The following ADGRE3 variants were observed in gnomAD, a reference collection of about 807,000 sequenced individuals.
ADGRE3 encodes the protein EGF-like module receptor 3.
In ADGRE3, 88 loss-of-function variants were observed where a neutral mutation model predicts 80.1. The ratio of observed to expected loss-of-function variants is 1.10; its 90% CI spans 0.93 to 1.31. The LOEUF (loss-of-function observed/expected upper bound fraction) is 1.31. Among genes scored for constraint, ADGRE3 ranks in the 40% most tolerant of loss-of-function variants. ADGRE3 has a pLI of 0.00. For missense variants in ADGRE3, 715 were observed against 776.5 expected, an observed-to-expected ratio of 0.92 and a Z score of 0.94; for synonymous variants, 281 against 294.8, an observed-to-expected ratio of 0.95 and a Z score of 0.48.
downstream of ADGRE3, among the ~76,000 whole-genome samples, chr19:14,615,103 C>T (rs868674047): frequency 4.0e-5 from 6 of 151,850 alleles, no homozygotes; most frequent in Admixed American, 2.0e-4. Context: ...TGGGGTCTCA[C>T]GGCTTGTCCA....
At chr19:14,630,542 G>A (rs1015872847) in intron 13 of ADGRE3, among the ~76,000 whole-genome samples, 3 of 152,026 alleles carry the variant, frequency 2.0e-5, no homozygotes, top group African/African-American at 7.2e-5. Flanking sequence ...CCCAGTAGCT[G>A]GGACTAACTA....
Position 14,638,224 on chromosome 19 carries a change from G to A in ADGRE3, c.1365C>T (p.Asn455=), listed in dbSNP as rs770954017. 6 of 1,614,014 alleles carry A rather than the reference G, an allele frequency of 3.7e-6. No homozygotes were observed. The highest frequency in any genetic ancestry group is 5.1e-6 in the Non-Finnish European group (6 of 1,180,000). The change falls in exon 11 of 16, where the codon AAC becomes AAT. Residue 455 remains asparagine, a synonymous_variant. Transcript: ENST00000253673. ...TCATGAGTCTATTGATGCTTGAGTA[G>A]TTGACCACTGTCAGGTTCCGTGCAG... is the stretch of plus-strand genomic sequence containing the variant. ...FLTARNLTVV[N]YSSINRLMKW...
chr19:14,649,224 CTCTCTTTCCATCTA>C (rs552707929), intron 7 of ADGRE3, among the ~76,000 whole-genome samples: 3,536 of 149,684 alleles, frequency 0.024, 153 homozygotes, highest in African/African-American at 0.084. Flanking sequence ...CTCCCCATCT[CTCTCTTTCCATCTA>C]TCTCTTTCCA....
intron 13 of ADGRE3, 46 bp from the exon 14 acceptor site, chr19:14,630,253 G>A (rs62124014): frequency 0.32 from 490,025 of 1,526,132 alleles, 82,340 homozygotes; most frequent in Non-Finnish European, 0.35. Context: ...AACTAATAAT[G>A]AGCATGAACA....
the ADGRE3 span, among the ~76,000 whole-genome samples, chr19:14,601,692 C>T: frequency 4.6e-5 from 7 of 152,148 alleles, no homozygotes; most frequent in Admixed American, 1.3e-4. Context: ...AATCATAGCT[C>T]GTTGCAGCCT....
intron 14 of ADGRE3, 91 bp from the exon 15 acceptor site, chr19:14,625,690 T>C (rs1970720311): frequency 1.4e-6 from 1 of 728,334 alleles, no homozygotes; most frequent in African/African-American, 1.8e-5. Context: ...TAGAGATGTA[T>C]TATTATTTAT....
downstream of ADGRE3, among the ~76,000 whole-genome samples, chr19:14,616,486 C>A (rs1286357333): frequency 1.3e-5 from 2 of 151,768 alleles, no homozygotes; most frequent in East Asian, 1.9e-4. Context: ...TGGTACTAAA[C>A]CTGGGAAAGT....
At chr19:14,644,322 T>C (rs1415653932) in intron 8 of ADGRE3, 47 bp from the exon 9 acceptor site, 5 of 1,346,796 alleles carry the variant, frequency 3.7e-6, no homozygotes, top group South Asian at 1.8e-5. Flanking sequence ...TCTTTCTTTC[T>C]TTCTTTTTTT....
downstream of ADGRE3, among the ~76,000 whole-genome samples, chr19:14,617,900 G>C (rs895099295): frequency 2.2e-4 from 34 of 151,930 alleles, no homozygotes; most frequent in Non-Finnish European, 4.1e-4. Context: ...ATAGCAGACA[G>C]GTGCTAAAGA....
At chr19:14,667,366 G>A (rs1218410749) in intron 2 of ADGRE3, among the ~76,000 whole-genome samples, 1 of 148,896 alleles carries the variant, frequency 6.7e-6, no homozygotes, top group African/African-American at 2.5e-5. Flanking sequence ...TTTAAATTTG[G>A]TAACATGCAC....
chr19:14,637,393 CTTT>C (rs34233724), intron 11 of ADGRE3, among the ~76,000 whole-genome samples: 31 of 127,534 alleles, frequency 2.4e-4, no homozygotes, highest in Non-Finnish European at 2.9e-4. Flanking sequence ...TTTTTAAGCT[CTTT>C]TTTTTTTTTT....
intron 6 of ADGRE3, among the ~76,000 whole-genome samples, chr19:14,653,339 C>T (rs1453272581): frequency 6.6e-6 from 1 of 151,968 alleles, no homozygotes; most frequent in Non-Finnish European, 1.5e-5. Flanking sequence ...TTTTATCAAA[C>T]CTCAATTTGA....
intron 10 of ADGRE3, 51 bp from the exon 11 acceptor site, chr19:14,638,391 C>A: frequency 1.5e-6 from 2 of 1,378,184 alleles, no homozygotes; most frequent in Non-Finnish European, 2.0e-6. Context: ...TGGAGTATGG[C>A]CCTAGGACCT....
the ADGRE3 span, chr19:14,606,938 T>G: frequency 5.2e-5 from 50 of 963,874 alleles, no homozygotes; most frequent in Non-Finnish European, 6.6e-5. Flanking sequence ...GGGCAGGTCC[T>G]CACCCTGAGG....
chr19:14,655,165 G>T lies in ADGRE3; in HGVS notation c.394C>A (p.Leu132Met), dbSNP rs1461476490. ...SSKTTEGRKELQKIVDKFESL... is the reference protein window; with the variant it reads ...SSKTTEGRKEMQKIVDKFESL... ...TCAAATTTGTCCACAATCTTTTGCA[G>T]CTTTGAAGACATAAAGAATTTTCAT... is the stretch of plus-strand genomic sequence containing the variant. The change falls in exon 6 of 16, where the codon CTG becomes ATG. Residue 132 changes from leucine to methionine, a missense_variant and splice_region_variant. Transcript: ENST00000253673. The T allele has an allele frequency of 1.2e-6, 2 of 1,601,910 alleles. No individual in the cohort carries two copies. Among genetic ancestry groups the T allele is most frequent in the East Asian group, 2.2e-5 (1 of 44,776 alleles).
intron 7 of ADGRE3, among the ~76,000 whole-genome samples, chr19:14,650,606 CTCA>C: frequency 6.6e-6 from 1 of 151,504 alleles, no homozygotes; most frequent in Non-Finnish European, 1.5e-5. Context: ...CTCCATCTCT[CTCA>C]TCTCTTGCTC....
At chr19:14,630,233 G>T in intron 13 of ADGRE3, 26 bp from the exon 14 acceptor site, 1 of 1,577,626 alleles carries the variant, frequency 6.3e-7, no homozygotes, top group Non-Finnish European at 8.6e-7. Context: ...CAGAGATTAG[G>T]ATGTCAAAAA....
downstream of ADGRE3, among the ~76,000 whole-genome samples, chr19:14,616,167 G>GT (rs2075074384): frequency 6.6e-6 from 1 of 151,676 alleles, no homozygotes; most frequent in South Asian, 2.1e-4. Flanking sequence ...CCTGACCTCT[G>GT]CCCTTGTGAT....
chr19:14,659,314 A>T (rs1325978798), intron 4 of ADGRE3, among the ~76,000 whole-genome samples: 1 of 152,106 alleles, frequency 6.6e-6, no homozygotes, highest in Non-Finnish European at 1.5e-5. Context: ...AAATGCAAGG[A>T]TTACAGGCGC....
Sources: gnomAD v4.1 joint callset for allele counts (sites outside exome capture counted in the v4.1 genomes callset) on GRCh38, gnomAD v4.1.1 for gene constraint, MANE v1.5 for transcripts, NCBI Gene and HGNC (gene_info 2026-07-23, HGNC 2026-07-21) for gene names.